Variants in DGKZ observed in about 807,000 individuals in gnomAD.
DGKZ encodes diacylglycerol kinase zeta, also known as DAG kinase zeta.
A neutral mutation model predicts 142.5 loss-of-function variants in DGKZ; 45 were observed. That is an observed-to-expected ratio of 0.32 (90% CI 0.25 to 0.40). The LOEUF (loss-of-function observed/expected upper bound fraction) is 0.40, where lower values mean the gene tolerates loss of function less well. Ranked by LOEUF, DGKZ falls within the 10% of genes least tolerant of loss-of-function variation. DGKZ has a pLI of 1.00. For missense variants in DGKZ, 755 were observed against 1,306.5 expected, an observed-to-expected ratio of 0.58 and a Z score of 6.51; for synonymous variants, 442 against 527.0, an observed-to-expected ratio of 0.84 and a Z score of 2.21.
At chr11:46,378,098 TA>T in intron 25 of DGKZ, 99 bp from the exon 26 acceptor site, 1 of 1,457,670 alleles carries the variant, frequency 6.9e-7, no homozygotes, top group South Asian at 1.2e-5. Context: ...AGGCACTCAA[TA>T]AACTGTGGAA....
Position 46,367,263 on chromosome 11 carries a change from C to G in DGKZ, c.162-28C>G, listed in dbSNP as rs763360462. On this transcript the variant is annotated intron_variant, in intron 1 of 30. Coordinates refer to ENST00000527911, the Ensembl canonical transcript of DGKZ. This position sits in a 1 kb window ranked among gnomAD's most constrained non-coding sequence, Gnocchi z 4.1. ...AAGTAGGGTCAGCAAGTGCTCAGCC[C>G]CCTCCTCAGCTGTCTTCTCCTCTCT... is the stretch of plus-strand genomic sequence containing the variant. The G allele has an allele frequency of 1.9e-6, 3 of 1,589,942 alleles. No individual in the cohort carries two copies. In the South Asian group the frequency reaches 3.3e-5, roughly 18 times the overall value.
At chr11:46,378,912 G>C in intron 27 of DGKZ, 79 bp from the exon 28 acceptor site, 1 of 1,489,400 alleles carries the variant, frequency 6.7e-7, no homozygotes, top group Non-Finnish European at 8.9e-7. Context: ...TGGTGTACCC[G>C]GCTGTGGGCC....
chr11:46,366,508 C>A, intron 1 of DGKZ: 1 of 1,588,020 alleles, frequency 6.3e-7, no homozygotes. Flanking sequence ...CCTGCAACCC[C>A]CGCTTCATCG....
exon 23 of DGKZ, chr11:46,376,356 C>G: frequency 1.2e-6 from 2 of 1,614,088 alleles, no homozygotes; most frequent in Non-Finnish European, 1.7e-6. Context: ...GCCAAGTCCC[C>G]GACATGCCAG....
At position 46,333,324 on chromosome 11, in the gene DGKZ, G is replaced by A. The variant is rs981622467; in HGVS notation, c.49G>A (p.Gly17Ser). The change falls in exon 1 of 31, where the codon GGC becomes AGC. Residue 17 changes from glycine to serine, a missense_variant. Coordinates refer to the DGKZ transcript ENST00000343674. ...AGGGCAGCGCTGGGACTGGGCTGGC[G>A]GCGGCCGGGCAGCCGAGGAGGAGGT... 4.1e-5 allele frequency: 54 copies of A among 1,326,358 alleles called. No homozygotes were observed. Among genetic ancestry groups the A allele is most frequent in the Non-Finnish European group, 5.2e-5 (54 of 1,045,580 alleles). 82.2% of individuals were successfully genotyped at this position (1,326,358 alleles called of 1,614,324 possible).
intron 1 of DGKZ, among the ~76,000 whole-genome samples, chr11:46,337,161 GA>G (rs1283739196): frequency 6.6e-6 from 1 of 152,138 alleles, no homozygotes; most frequent in Non-Finnish European, 1.5e-5. Context: ...GGTAAAGCCA[GA>G]GTGGGGCAAG....
chr11:46,364,616 A>G (rs1036484959), intron 1 of DGKZ: 2 of 985,264 alleles, frequency 2.0e-6, no homozygotes, highest in Non-Finnish European at 2.4e-6. Flanking sequence ...CACCCTGTCC[A>G]TCTCTCCCCC....
exon 1 of DGKZ, chr11:46,333,358 G>T (rs1939861324): frequency 3.6e-6 from 5 of 1,370,646 alleles, no homozygotes; most frequent in Non-Finnish European, 3.7e-6. Context: ...GTGGTGCGGC[G>T]GCGATGCCGG....
chr11:46,368,245 G>T, intron 4 of DGKZ, 166 bp downstream of exon 4: 1 of 734,386 alleles, frequency 1.4e-6, no homozygotes, highest in Non-Finnish European at 2.4e-6. Context: ...TCGAATCCTG[G>T]CTCCTCACTG....
rs768113408 is a variant in DGKZ, at chr11:46,366,535, TCCA to T, written c.162-754_162-752del. 6.3e-6 allele frequency: 10 copies of T among 1,598,260 alleles called. No homozygotes were observed. ...GCTTCATCGTGGATAAGGTGCTCACTCCACAGCCTACCACCGTGGGGGCCCAGC... is the reference window on the plus strand; with the variant it reads ...GCTTCATCGTGGATAAGGTGCTCACTCAGCCTACCACCGTGGGGGCCCAGC... On this transcript the variant is annotated intron_variant, in intron 1 of 30. Transcript: ENST00000527911.
In DGKZ at chr11:46,366,401, C is replaced by T. The variant is rs563216314; in HGVS notation, c.162-890C>T. On this transcript the variant is annotated intron_variant, in intron 1 of 30. Transcript: ENST00000527911. ...GCAGGCCTCCTCCTCACTGGCACAG[C>T]GGCGCCGCTCCAGCGCCCAGCTCCA... is the stretch of plus-strand genomic sequence containing the variant. 226 of 1,524,568 alleles carry T rather than the reference C, an allele frequency of 1.5e-4. 2 individuals carry two copies. In the South Asian group the frequency reaches 2.4e-3, roughly 16 times the overall value. The allele number at this position is 1,524,568 out of a possible 1,614,324, so 94.4% of individuals were successfully genotyped here.
chr11:46,366,360 G>A lies in DGKZ; in HGVS notation c.162-931G>A, dbSNP rs377451293. ...GGGCTGCCCACAGGCAAGGCCCGGC[G>A]TCGCTCCCCCGCTGGGCAGGCCTCC... On this transcript the variant is annotated intron_variant, in intron 1 of 30. Transcript: ENST00000527911. The A allele has an allele frequency of 4.8e-5, 73 of 1,529,144 alleles. No individual in the cohort carries two copies. In the African/African-American group the frequency reaches 6.4e-4, roughly 14 times the overall value. The allele number at this position is 1,529,144 out of a possible 1,614,324, so 94.7% of individuals were successfully genotyped here. A position where few individuals can be genotyped will look rare whatever the true frequency, so the allele number is the denominator to read the frequency against.
intron 1 of DGKZ, chr11:46,333,599 A>G: frequency 1.0e-6 from 1 of 998,978 alleles, no homozygotes; most frequent in Non-Finnish European, 1.5e-6. Context: ...CTGGGAGTTT[A>G]GAGATGACTG....
chr11:46,354,810 TC>T, intron 1 of DGKZ, among the ~76,000 whole-genome samples: 1 of 152,362 alleles, frequency 6.6e-6, no homozygotes, highest in Non-Finnish European at 1.5e-5. Flanking sequence ...CCAGGCATAT[TC>T]TGCATTTAGG....
chr11:46,345,400 G>A (rs375314598), upstream of DGKZ: 51 of 1,423,378 alleles, frequency 3.6e-5, no homozygotes, highest in East Asian at 6.1e-5. This position sits in a 1 kb window ranked among gnomAD's most constrained non-coding sequence, Gnocchi z 4.1. Flanking sequence ...GAAGAGAGTC[G>A]CCGGGCAGGA....
In DGKZ at chr11:46,375,886, TGA is replaced by T. The variant is rs1233932659; in HGVS notation, c.1948_1949del (p.Val652GlnfsTer6). 6.3e-7 allele frequency: 1 copy of T among 1,579,456 alleles called. No homozygotes were observed. The highest frequency in any genetic ancestry group is 1.4e-5 in the African/African-American group (1 of 74,038). ...GTGCCAGAGCAGTTGCGCATCCAGG[TGA>T]GTCGCGTCAGCATGCACGACTATGA... On this transcript the variant is annotated frameshift_variant, in exon 21 of 31. Coordinates refer to ENST00000527911, the Ensembl canonical transcript of DGKZ. LOFTEE classifies it high-confidence loss of function.
At chr11:46,366,648 C>T (rs776485214) in intron 1 of DGKZ, 15 of 1,599,466 alleles carry the variant, frequency 9.4e-6, no homozygotes, top group Admixed American at 3.4e-5. Flanking sequence ...GCCGAGGCAT[C>T]GAGCGCCATC....
intron 1 of DGKZ, among the ~76,000 whole-genome samples, chr11:46,350,184 C>T (rs1941191558): frequency 6.6e-6 from 1 of 152,160 alleles, no homozygotes; most frequent in South Asian, 2.1e-4. Context: ...CAGAGAGCAG[C>T]AAGGGAAAGC....
intron 1 of DGKZ, among the ~76,000 whole-genome samples, chr11:46,341,989 G>A (rs1940300663): frequency 6.6e-6 from 1 of 152,200 alleles, no homozygotes; most frequent in African/African-American, 2.4e-5. Flanking sequence ...GGCGGGTTTT[G>A]ACAGCAGAGG....
Sources: allele counts gnomAD v4.1 joint callset (sites outside exome capture counted in the v4.1 genomes callset), GRCh38; gene constraint gnomAD v4.1.1; non-coding constraint Gnocchi (gnomAD v3.1); transcripts MANE v1.5; gene names NCBI Gene and HGNC (gene_info 2026-07-23, HGNC 2026-07-21).